LRBA: variants seen among roughly 807,000 people sequenced by gnomAD.
LRBA encodes LPS responsive beige-like anchor protein.
Under a neutral mutation model 330.0 loss-of-function variants are expected in LRBA, and 176 were observed. The ratio of observed to expected loss-of-function variants is 0.53; its 90% CI spans 0.47 to 0.60. The LOEUF (loss-of-function observed/expected upper bound fraction) is 0.60, where lower values mean the gene tolerates loss of function less well. Ranked by LOEUF, LRBA falls within the 20% of genes least tolerant of loss-of-function variation. LRBA has a pLI of 0.00. For missense variants in LRBA, 3,259 were observed against 3,444.8 expected (o/e 0.95, Z 1.35); for synonymous variants, 1,230 against 1,193.0 (o/e 1.03, Z -0.64).
intron 30 of LRBA, among the ~76,000 whole-genome samples, chr4:150,825,392 G>A (rs1293158937): frequency 6.6e-6 from 1 of 152,074 alleles, no homozygotes; most frequent in African/African-American, 2.4e-5. Context: ...GGGGGAAGGA[G>A]TTTTGCTCTT....
At chr4:150,954,277 C>T (rs1175176732) in intron 2 of LRBA, among the ~76,000 whole-genome samples, 2 of 152,076 alleles carry the variant, frequency 1.3e-5, no homozygotes, top group Non-Finnish European at 2.9e-5. Flanking sequence ...TACCCAACAG[C>T]TCATTGAGAA....
intron 37 of LRBA, among the ~76,000 whole-genome samples, chr4:150,665,122 C>G (rs1039349776): frequency 3.9e-5 from 6 of 152,108 alleles, no homozygotes; most frequent in African/African-American, 1.4e-4. Flanking sequence ...TACGCAATCA[C>G]ACAGGATGTG....
chr4:150,746,729 C>G (rs1265864474), intron 35 of LRBA, among the ~76,000 whole-genome samples: 1 of 152,024 alleles, frequency 6.6e-6, no homozygotes, highest in Non-Finnish European at 1.5e-5. Flanking sequence ...CCAGGATGGT[C>G]TTGATTTCCT....
intron 22 of LRBA, among the ~76,000 whole-genome samples, chr4:150,853,559 C>A (rs1413579324): frequency 2.0e-5 from 3 of 152,112 alleles, no homozygotes; most frequent in African/African-American, 7.2e-5. Context: ...TTCAGTTGAT[C>A]CATCCATACA....
At chr4:150,317,488 C>T (rs1016756888) in intron 50 of LRBA, among the ~76,000 whole-genome samples, 15 of 152,132 alleles carry the variant, frequency 9.9e-5, no homozygotes, top group South Asian at 2.1e-4. Flanking sequence ...GAAACCACAA[C>T]GGCTCTTTTA....
intron 13 of LRBA, among the ~76,000 whole-genome samples, chr4:150,902,334 C>T (rs1730832062): frequency 6.6e-6 from 1 of 152,020 alleles, no homozygotes; most frequent in Non-Finnish European, 1.5e-5. Context: ...AGTTCTCAAT[C>T]TTGACTGCAC....
At chr4:150,841,875 C>G (rs1046130668) in intron 28 of LRBA, among the ~76,000 whole-genome samples, 1 of 152,048 alleles carries the variant, frequency 6.6e-6, no homozygotes, top group African/African-American at 2.4e-5. Flanking sequence ...CCAGGATGGT[C>G]TCCATCTCCT....
chr4:150,841,283 TACTA>T (rs1239330715), intron 28 of LRBA, among the ~76,000 whole-genome samples: 2 of 152,230 alleles, frequency 1.3e-5, no homozygotes, highest in Non-Finnish European at 2.9e-5. Context: ...GTTCAATGTT[TACTA>T]ACTACCACAT....
At chr4:150,329,673 G>A (rs192112311) in intron 48 of LRBA, among the ~76,000 whole-genome samples, 108 of 152,236 alleles carry the variant, frequency 7.1e-4, no homozygotes, top group Middle Eastern at 3.4e-3. Context: ...CCAGAGGATT[G>A]CCCACTCCCA....
intron 53 of LRBA, among the ~76,000 whole-genome samples, chr4:150,289,193 C>T (rs1748547559): frequency 6.6e-6 from 1 of 151,968 alleles, no homozygotes; most frequent in Non-Finnish European, 1.5e-5. Flanking sequence ...TTTGTAAACT[C>T]GTAAGATTTT....
At chr4:150,991,977 G>C (rs1742141145) in intron 2 of LRBA, among the ~76,000 whole-genome samples, 1 of 152,178 alleles carries the variant, frequency 6.6e-6, no homozygotes, top group Non-Finnish European at 1.5e-5. Flanking sequence ...CTGTCTCAGA[G>C]TGAGGCAAAG....
rs577953123 is a variant in LRBA at position 150,479,045 on chromosome 4, AG to A, written c.6552-7307del. Reference sequence around the variant, plus strand: ...ATGCCTATAATCCCAGCACTTTAGGAGGCTGAGGTGGCAGGATCACTTCAGC... The same window carrying A: ...ATGCCTATAATCCCAGCACTTTAGGAGCTGAGGTGGCAGGATCACTTCAGC... On this transcript the variant is annotated intron_variant, in intron 42 of 56. Transcript: ENST00000651943. 6.4e-3 allele frequency among the ~76,000 whole-genome samples: 970 copies of A among 152,170 alleles called. 12 individuals carry two copies. Among genetic ancestry groups the A allele is most frequent in the African/African-American group, 0.022 (908 of 41,518 alleles).
At chr4:150,966,475 AT>A (rs36013649) in intron 2 of LRBA, among the ~76,000 whole-genome samples, 2,015 of 114,598 alleles carry the variant, frequency 0.018, 14 homozygotes, top group Middle Eastern at 0.024. Context: ...CACCCAGCTA[AT>A]TTTTTTTTTT....
At chr4:150,293,268 G>T (rs1728557731) in intron 53 of LRBA, among the ~76,000 whole-genome samples, 1 of 152,154 alleles carries the variant, frequency 6.6e-6, no homozygotes, top group African/African-American at 2.4e-5. Flanking sequence ...GGTAAATCAA[G>T]AAAGGAAATG....
intron 13 of LRBA, among the ~76,000 whole-genome samples, chr4:150,904,332 T>C (rs1264432115): frequency 6.6e-6 from 1 of 152,216 alleles, no homozygotes; most frequent in Non-Finnish European, 1.5e-5. Flanking sequence ...TGCCCTTTTT[T>C]ATGACTGTCT....
chr4:150,660,348 G>T (rs1780875154), intron 37 of LRBA, among the ~76,000 whole-genome samples: 1 of 70,394 alleles, frequency 1.4e-5, no homozygotes. Flanking sequence ...CGGGAGGGAG[G>T]TGGGGGGGGT....
At chr4:150,861,270 GGTGTGTGTGTGTGTGTGT>G (rs35115144) in intron 22 of LRBA, among the ~76,000 whole-genome samples, 89 of 137,884 alleles carry the variant, frequency 6.5e-4, no homozygotes, top group African/African-American at 2.3e-3. Flanking sequence ...CCCAGCTAAT[GGTGTGTGTGTGTGTGTGT>G]GTGTGTGTGT....
chr4:150,808,693 CAA>C, intron 31 of LRBA, among the ~76,000 whole-genome samples: 1 of 152,238 alleles, frequency 6.6e-6, no homozygotes, highest in Non-Finnish European at 1.5e-5. Flanking sequence ...TACTCAACAC[CAA>C]GTGTCAACAG....
At chr4:150,803,297 C>T (rs918889754) in intron 33 of LRBA, among the ~76,000 whole-genome samples, 2 of 151,530 alleles carry the variant, frequency 1.3e-5, no homozygotes, top group African/African-American at 4.8e-5. Context: ...AATGACATGA[C>T]ATCTAAGATA....
Sources: allele counts gnomAD v4.1 joint callset (sites outside exome capture counted in the v4.1 genomes callset), GRCh38; gene constraint gnomAD v4.1.1; transcripts MANE v1.5; gene names NCBI Gene and HGNC (gene_info 2026-07-23, HGNC 2026-07-21).